CACNA1D: variants seen among roughly 807,000 people sequenced by gnomAD.
The protein encoded by CACNA1D is voltage-dependent L-type calcium channel subunit alpha-1D.
Under a neutral mutation model 257.1 loss-of-function variants are expected in CACNA1D, and 55 were observed. The ratio of observed to expected loss-of-function variants is 0.21; its 90% CI spans 0.17 to 0.27. The LOEUF (loss-of-function observed/expected upper bound fraction) is 0.27, where lower values mean the gene tolerates loss of function less well. CACNA1D is among the 10% of genes least tolerant of loss of function. The pLI, the probability that CACNA1D is intolerant of heterozygous loss-of-function variation, is 1.00. For missense variants in CACNA1D, 1,876 were observed against 2,784.0 expected (o/e 0.67, Z 7.34); for synonymous variants, 980 against 1,014.9 (o/e 0.97, Z 0.65).
At chr3:53,776,080 C>G (rs2095395256) in intron 35 of CACNA1D, 35 bp downstream of exon 35, 1 of 1,590,866 alleles carries the variant, frequency 6.3e-7, no homozygotes, top group East Asian at 2.2e-5. Flanking sequence ...TCTCAATTTA[C>G]AGATGCTTAT....
In CACNA1D at chr3:53,580,452, C is replaced by A. The variant is rs146474139; in HGVS notation, c.484-70327C>A. ...ATGCTTGGCCATCTCCTCTGCATCT[C>A]CCATCGTACCAAGTATCTTGCCTTG... On this transcript the variant is annotated intron_variant, in intron 3 of 47. Coordinates refer to ENST00000350061, the MANE Select transcript of CACNA1D (RefSeq NM_001128840.3). Among the ~76,000 whole-genome samples, 28 of 152,306 alleles carry A rather than the reference C, an allele frequency of 1.8e-4. No homozygotes were observed. In the East Asian group the frequency reaches 5.2e-3, roughly 28 times the overall value.
chr3:53,610,918 A>G (rs867180154), intron 3 of CACNA1D, among the ~76,000 whole-genome samples: 2 of 151,986 alleles, frequency 1.3e-5, no homozygotes, highest in African/African-American at 4.8e-5. Flanking sequence ...ACTTTTCTGT[A>G]GTGTATTTCT....
At chr3:53,755,428 A>G (rs532989192) in intron 29 of CACNA1D, among the ~76,000 whole-genome samples, 1 of 152,336 alleles carries the variant, frequency 6.6e-6, no homozygotes, top group South Asian at 2.1e-4. Context: ...ACTGCCCAGT[A>G]GGCTGACAGT....
At chr3:53,567,481 T>C (rs142914566) in intron 3 of CACNA1D, among the ~76,000 whole-genome samples, 54 of 152,334 alleles carry the variant, frequency 3.5e-4, no homozygotes, top group Non-Finnish European at 5.7e-4. Flanking sequence ...CTTTGCTTCA[T>C]TTAAAGGTGC....
At chr3:53,562,723 G>A (rs2092762892) in intron 3 of CACNA1D, among the ~76,000 whole-genome samples, 1 of 152,186 alleles carries the variant, frequency 6.6e-6, no homozygotes, top group East Asian at 1.9e-4. Context: ...ATATGGAAGT[G>A]TTTGATTATG....
At chr3:53,642,306 A>G (rs6803827) in intron 3 of CACNA1D, among the ~76,000 whole-genome samples, 50,346 of 152,046 alleles carry the variant, frequency 0.33, 9,052 homozygotes, top group East Asian at 0.69. Flanking sequence ...GAATCCAGCC[A>G]ACAAAAGAAC....
chr3:53,636,670 T>G (rs549927325), intron 3 of CACNA1D, among the ~76,000 whole-genome samples: 2 of 152,382 alleles, frequency 1.3e-5, no homozygotes, highest in African/African-American at 4.8e-5. Context: ...CATACAATTT[T>G]ATTTCATTTT....
Position 53,694,681 on chromosome 3 carries a change from T to C in CACNA1D, c.1221-7960T>C, listed in dbSNP as rs2292918. 4.2e-3 allele frequency among the ~76,000 whole-genome samples: 638 copies of C among 152,298 alleles called. 24 individuals are homozygous for C. In the East Asian group the frequency reaches 0.085, roughly 20 times the overall value. On this transcript the variant is annotated intron_variant, in intron 8 of 47. Coordinates refer to ENST00000350061, the MANE Select transcript of CACNA1D (RefSeq NM_001128840.3). Reference sequence around the variant, plus strand: ...GAATGTAAAGACATTTGGAGGACTCTAGGAACAATCTAAATAAATGAGGGG... The same window carrying C: ...GAATGTAAAGACATTTGGAGGACTCCAGGAACAATCTAAATAAATGAGGGG...
intron 39 of CACNA1D, 26 bp from the exon 40 acceptor site, chr3:53,786,796 G>A: frequency 6.2e-7 from 1 of 1,609,998 alleles, no homozygotes; most frequent in African/African-American, 1.3e-5. Flanking sequence ...TGATTCGGGA[G>A]AGCTCTGTCT....
At chr3:53,735,544 CCT>C in intron 20 of CACNA1D, 41 bp downstream of exon 20, 1 of 1,610,488 alleles carries the variant, frequency 6.2e-7, no homozygotes, top group Non-Finnish European at 8.5e-7. Context: ...ATAGCCCTGG[CCT>C]CTCTCGGGCA....
At chr3:53,529,637 C>T (rs2091881900) in intron 3 of CACNA1D, among the ~76,000 whole-genome samples, 1 of 152,060 alleles carries the variant, frequency 6.6e-6, no homozygotes, top group Admixed American at 6.5e-5. Flanking sequence ...AATGATCAGC[C>T]AAGAGTCTCT....
chr3:53,661,337 A>G (rs2094201801), intron 5 of CACNA1D, among the ~76,000 whole-genome samples: 1 of 152,060 alleles, frequency 6.6e-6, no homozygotes, highest in South Asian at 2.1e-4. Context: ...CTCTGGAAAA[A>G]AAAATTTCCA....
intron 9 of CACNA1D, among the ~76,000 whole-genome samples, chr3:53,711,385 C>T (rs2094753581): frequency 6.6e-6 from 1 of 152,222 alleles, no homozygotes; most frequent in Admixed American, 6.5e-5. Context: ...CATACCCTTC[C>T]TCAGAATCCC....
intron 40 of CACNA1D, among the ~76,000 whole-genome samples, chr3:53,796,940 TTTAA>T (rs1181638135): frequency 6.6e-6 from 1 of 152,252 alleles, no homozygotes; most frequent in Non-Finnish European, 1.5e-5. Flanking sequence ...TTTATATGGC[TTTAA>T]TTGTGTTGGT....
chr3:53,717,336 C>T (rs1236237030), intron 9 of CACNA1D, among the ~76,000 whole-genome samples: 1 of 152,230 alleles, frequency 6.6e-6, no homozygotes, highest in East Asian at 1.9e-4. Context: ...TCCCTCACCC[C>T]TATTCCAGGT....
At chr3:53,552,973 A>AG (rs1247526746) in intron 3 of CACNA1D, among the ~76,000 whole-genome samples, 1 of 152,190 alleles carries the variant, frequency 6.6e-6, no homozygotes, top group Non-Finnish European at 1.5e-5. Flanking sequence ...GAGCCTGTAT[A>AG]GGAGAGCAGT....
intron 20 of CACNA1D, among the ~76,000 whole-genome samples, chr3:53,738,639 C>T (rs879331614): frequency 3.3e-5 from 5 of 152,204 alleles, no homozygotes; most frequent in Admixed American, 2.0e-4. Context: ...GTTTATTTCC[C>T]TGCTGCCTTA....
intron 20 of CACNA1D, among the ~76,000 whole-genome samples, chr3:53,739,074 G>A (rs922236062): frequency 6.6e-6 from 1 of 152,228 alleles, no homozygotes; most frequent in African/African-American, 2.4e-5. Flanking sequence ...TGAAGAGAGA[G>A]ACTGGGCTTG....
At chr3:53,592,525 T>A (rs1239637651) in intron 3 of CACNA1D, among the ~76,000 whole-genome samples, 1 of 152,168 alleles carries the variant, frequency 6.6e-6, no homozygotes, top group African/African-American at 2.4e-5. Context: ...CTGATTTGTC[T>A]AATGTCACCT....
Sources: gnomAD v4.1 joint callset for allele counts (sites outside exome capture counted in the v4.1 genomes callset) on GRCh38, gnomAD v4.1.1 for gene constraint, MANE v1.5 for transcripts, NCBI Gene and HGNC (gene_info 2026-07-23, HGNC 2026-07-21) for gene names.